SNRPD3: variants seen among roughly 807,000 people sequenced by gnomAD.
SNRPD3 encodes the protein small nuclear ribonucleoprotein D3 polypeptide, also known as small nuclear ribonucleoprotein Sm D3.
For synonymous variants in SNRPD3, 66 were observed against 58.4 expected (o/e 1.13, Z -0.59); for missense variants, 73 against 167.5 (o/e 0.44, Z 3.11).
chr22:24,561,392 C>G (rs1216432688), intron 2 of SNRPD3, among the ~76,000 whole-genome samples: 1 of 152,084 alleles, frequency 6.6e-6, no homozygotes, highest in Non-Finnish European at 1.5e-5. Context: ...TTTTTTGTCT[C>G]TAAATATGAT....
At position 24,568,004 on chromosome 22, in the gene SNRPD3, A is replaced by G. The variant is rs756244737; in HGVS notation, c.147A>G (p.Thr49=). 6 of 1,610,410 alleles carry G rather than the reference A, an allele frequency of 3.7e-6. No homozygotes were observed. The highest frequency in any genetic ancestry group is 1.1e-5 in the South Asian group (1 of 90,464). Residue 49 remains threonine (T), a synonymous_variant, in exon 3 of 4, where the codon ACA becomes ACG. Coordinates refer to ENST00000215829, the MANE Select transcript of SNRPD3 (RefSeq NM_004175.5). ...TCCAGATGTCCAACATCACAGTCAC[A>G]TACAGAGATGGCCGAGTGGCACAGC... ...MNCQMSNITV[T]YRDGRVAQLE...
At chr22:24,565,632 G>A (rs1481129569) in intron 2 of SNRPD3, among the ~76,000 whole-genome samples, 1 of 152,152 alleles carries the variant, frequency 6.6e-6, no homozygotes, top group African/African-American at 2.4e-5. Context: ...GTGTGGCACA[G>A]TCCCCAAAAC....
intron 2 of SNRPD3, among the ~76,000 whole-genome samples, chr22:24,564,783 T>TC (rs1000147489): frequency 3.2e-4 from 49 of 151,922 alleles, no homozygotes; most frequent in African/African-American, 1.1e-3. Flanking sequence ...GTGGCACAGC[T>TC]CCCAAAACAC....
rs1394227309 is a variant in SNRPD3 at position 24,573,708 on chromosome 22, G to C, written c.*1731G>C. Among the ~76,000 whole-genome samples, 1 of 152,174 alleles carries C rather than the reference G, an allele frequency of 6.6e-6. No individual in the cohort carries two copies. The highest frequency in any genetic ancestry group is 1.5e-5 in the Non-Finnish European group (1 of 68,036). On this transcript the variant is annotated 3_prime_UTR_variant, in exon 4 of 4. Transcript: ENST00000215829. Reference sequence around the variant, plus strand: ...TGGGCTGTTAAGCTTTGTTAACCAAGACCGCATCTCTACAAAAAATTGAAA... The same window carrying C: ...TGGGCTGTTAAGCTTTGTTAACCAACACCGCATCTCTACAAAAAATTGAAA...
intron 2 of SNRPD3, among the ~76,000 whole-genome samples, chr22:24,563,201 C>CGT (rs1569025361): frequency 1.6e-5 from 2 of 121,588 alleles, no homozygotes; most frequent in South Asian, 2.7e-4. Flanking sequence ...GACCCTGTCT[C>CGT]ATATATGTGT....
chr22:24,560,999 A>G (rs1186730909), intron 2 of SNRPD3, among the ~76,000 whole-genome samples: 2 of 147,686 alleles, frequency 1.4e-5, no homozygotes, highest in Non-Finnish European at 3.0e-5. Flanking sequence ...TTGGCCTCCC[A>G]AAGTGCTAGG....
intron 1 of SNRPD3, 112 bp from the exon 2 acceptor site, chr22:24,557,545 T>G: frequency 1.4e-6 from 1 of 713,000 alleles, no homozygotes; most frequent in Non-Finnish European, 2.4e-6. Context: ...AATGCAGCTT[T>G]GGTGTTTTTG....
intron 2 of SNRPD3, among the ~76,000 whole-genome samples, chr22:24,567,291 C>T (rs1032145906): frequency 6.6e-6 from 1 of 152,154 alleles, no homozygotes; most frequent in Non-Finnish European, 1.5e-5. Flanking sequence ...AAGCTGTTTT[C>T]GTTAGGGTTT....
chr22:24,564,272 T>C (rs1413820071), intron 2 of SNRPD3, among the ~76,000 whole-genome samples: 1 of 152,226 alleles, frequency 6.6e-6, no homozygotes, highest in Non-Finnish European at 1.5e-5. Flanking sequence ...TTTCTCCATC[T>C]TGGCCCCAGG....
chr22:24,556,375 TG>T (rs370106553), intron 1 of SNRPD3, among the ~76,000 whole-genome samples: 21,567 of 74,070 alleles, frequency 0.29, 1,754 homozygotes, highest in African/African-American at 0.37. Flanking sequence ...AGTTTTTTTT[TG>T]TTTTTTTTTT....
Position 24,556,124 on chromosome 22 carries a change from GC to G in SNRPD3, c.-19+54del, listed in dbSNP as rs2045058420. On this transcript the variant is annotated intron_variant, in intron 1 of 3. Coordinates refer to ENST00000215829, the MANE Select transcript of SNRPD3 (RefSeq NM_004175.5). ...TCGAGGCGCCTGTGAGGGGCCAGGG[GC>G]TGGAGAAAGACTTGCTGCATGGAAC... 1.9e-5 allele frequency: 10 copies of G among 535,214 alleles called. No homozygotes were observed. In the East Asian group the frequency reaches 3.1e-4, roughly 17 times the overall value. 33.2% of individuals were successfully genotyped at this position (535,214 alleles called of 1,614,324 possible). A position where few individuals can be genotyped will look rare whatever the true frequency, so the allele number is the denominator to read the frequency against.
intron 2 of SNRPD3, among the ~76,000 whole-genome samples, chr22:24,565,634 C>T (rs2045190220): frequency 6.6e-6 from 1 of 152,096 alleles, no homozygotes; most frequent in South Asian, 2.1e-4. Flanking sequence ...GTGGCACAGT[C>T]CCCAAAACAC....
chr22:24,568,188 T>C lies in SNRPD3; in HGVS notation c.319+12T>C. 6.3e-7 allele frequency: 1 copy of C among 1,597,546 alleles called. No homozygotes were observed. Among genetic ancestry groups the C allele is most frequent in the Non-Finnish European group, 8.5e-7 (1 of 1,170,334 alleles). On this transcript the variant is annotated intron_variant, in intron 3 of 3. Coordinates refer to ENST00000215829, the MANE Select transcript of SNRPD3 (RefSeq NM_004175.5). The stretch of plus-strand genomic sequence containing the variant: ...TCTCAAGGCCCAAGGTAGGTGCTTT[T>C]CATGCACAGGTTTTAAAATATAGGT...
intron 1 of SNRPD3, among the ~76,000 whole-genome samples, chr22:24,556,391 A>G (rs781538166): frequency 1.4e-5 from 2 of 138,210 alleles, no homozygotes; most frequent in Non-Finnish European, 3.1e-5. Context: ...TTTTTTTTTA[A>G]GTAGAGACGG....
At chr22:24,557,540 A>T in intron 1 of SNRPD3, 117 bp from the exon 2 acceptor site, 1 of 662,048 alleles carries the variant, frequency 1.5e-6, no homozygotes. Flanking sequence ...TAGAAAATGC[A>T]GCTTTGGTGT....
chr22:24,555,766 A>G (rs2045045852), upstream of SNRPD3: 1 of 1,550,102 alleles, frequency 6.5e-7, no homozygotes, highest in Admixed American at 2.0e-5. Context: ...AAGTGTGAGC[A>G]CCCTCTCTGG....
At chr22:24,565,635 C>T (rs978236592) in intron 2 of SNRPD3, among the ~76,000 whole-genome samples, 7 of 152,050 alleles carry the variant, frequency 4.6e-5, no homozygotes, top group Admixed American at 2.6e-4. Context: ...TGGCACAGTC[C>T]CCAAAACACG....
At chr22:24,568,679 C>T (rs2045219579) in intron 3 of SNRPD3, among the ~76,000 whole-genome samples, 2 of 151,642 alleles carry the variant, frequency 1.3e-5, no homozygotes, top group South Asian at 4.1e-4. Context: ...GCCTCAGACT[C>T]CTAAGTAGCT....
intron 3 of SNRPD3, among the ~76,000 whole-genome samples, chr22:24,568,582 G>C (rs2045218316): frequency 6.7e-6 from 1 of 149,454 alleles, no homozygotes. Flanking sequence ...TTTTGAGATG[G>C]AGTCTCGCTC....
Sources: gnomAD v4.1 joint callset for allele counts (sites outside exome capture counted in the v4.1 genomes callset) on GRCh38, gnomAD v4.1.1 for gene constraint, MANE v1.5 for transcripts, NCBI Gene and HGNC (gene_info 2026-07-23, HGNC 2026-07-21) for gene names.